Variants in SH3PXD2B observed in about 807,000 individuals in gnomAD.
The protein encoded by SH3PXD2B is SH3 and PX domains 2B.
A neutral mutation model predicts 73.1 loss-of-function variants in SH3PXD2B; 37 were observed. That is an observed-to-expected ratio of 0.51 (90% confidence interval 0.39 to 0.67). The LOEUF (loss-of-function observed/expected upper bound fraction) is 0.67. Among genes scored for constraint, SH3PXD2B ranks in the 30% least tolerant of loss-of-function variants. The probability of loss-of-function intolerance (pLI) is 0.00; values close to 1 mark genes in which losing one functional copy is unlikely to be tolerated. For synonymous variants in SH3PXD2B, 457 were observed against 480.5 expected, an observed-to-expected ratio of 0.95 and a Z score of 0.64; for missense variants, 1,053 against 1,197.8, an observed-to-expected ratio of 0.88 and a Z score of 1.78.
At chr5:172,415,937 G>A (rs755083634) in intron 2 of SH3PXD2B, among the ~76,000 whole-genome samples, 1 of 152,198 alleles carries the variant, frequency 6.6e-6, no homozygotes, top group Non-Finnish European at 1.5e-5. Flanking sequence ...TGAATGAGAC[G>A]TGTGGTCAGA....
chr5:172,401,299 A>AAG (rs1410192191), intron 3 of SH3PXD2B, among the ~76,000 whole-genome samples: 1 of 152,224 alleles, frequency 6.6e-6, no homozygotes, highest in African/African-American at 2.4e-5. Flanking sequence ...CTAGGTAGGG[A>AAG]AGATAATTTA....
intron 6 of SH3PXD2B, among the ~76,000 whole-genome samples, chr5:172,368,665 T>TATATATATAAAATATATATATA (rs1757621072): frequency 2.6e-5 from 1 of 38,268 alleles, no homozygotes; most frequent in South Asian, 1.1e-3. Flanking sequence ...ATATATATTA[T>TATATATATAAAATATATATATA]ATATATATAA....
chr5:172,345,891 T>C (rs1363219500), intron 12 of SH3PXD2B, among the ~76,000 whole-genome samples: 2 of 152,174 alleles, frequency 1.3e-5, no homozygotes, highest in Non-Finnish European at 2.9e-5. Context: ...TGGCTGTTGA[T>C]GGGTAAGGAG....
chr5:172,343,804 C>CA (rs1756914133), intron 12 of SH3PXD2B, among the ~76,000 whole-genome samples: 1 of 146,458 alleles, frequency 6.8e-6, no homozygotes, highest in Non-Finnish European at 1.5e-5. Context: ...GATTCCGTCT[C>CA]AAAGAAAAAA....
chr5:172,368,115 G>A (rs1757567821), intron 6 of SH3PXD2B, among the ~76,000 whole-genome samples: 1 of 152,002 alleles, frequency 6.6e-6, no homozygotes, highest in Non-Finnish European at 1.5e-5. Flanking sequence ...TCTACTGCAG[G>A]GAATTTTGCA....
rs140085322 is a variant in SH3PXD2B at position 172,439,677 on chromosome 5, T to TGC, written c.75+14599_75+14600dup. Among the ~76,000 whole-genome samples the TGC allele has an allele frequency of 2.9e-3, 359 of 121,712 alleles. 1 individual carries two copies. The highest frequency in any genetic ancestry group is 5.3e-3 in the Non-Finnish European group (288 of 54,452). The allele number at this position is 121,712 out of a possible 152,430, so 79.8% of individuals were successfully genotyped here. On this transcript the variant is annotated intron_variant, in intron 1 of 12. Transcript: ENST00000311601. The stretch of plus-strand genomic sequence containing the variant: ...AAAACCAGGTATGTGTGTGCGTGCG[T>TGC]GCGCGCACGCGCGCGCACACACACA...
At position 172,335,162 on chromosome 5, in the gene SH3PXD2B, G is replaced by A. The variant is rs1756657609; in HGVS notation, c.*3207C>T. On this transcript the variant is annotated 3_prime_UTR_variant, in exon 13 of 13. Coordinates refer to ENST00000311601, the MANE Select transcript of SH3PXD2B (RefSeq NM_001017995.3). Reference sequence around the variant, plus strand: ...CTCAGGGTTTTCCAAATTTTTGGAGGTACCGCAAGCTGTCCGTTTGCCCTG... The same window carrying A: ...CTCAGGGTTTTCCAAATTTTTGGAGATACCGCAAGCTGTCCGTTTGCCCTG... 1.0e-6 allele frequency: 1 copy of A among 990,646 alleles called. No homozygotes were observed. The highest frequency in any genetic ancestry group is 4.7e-5 in the South Asian group (1 of 21,320). The allele number at this position is 990,646 out of a possible 1,614,324, so 61.4% of individuals were successfully genotyped here. A position where few individuals can be genotyped will look rare whatever the true frequency, so the allele number is the denominator to read the frequency against.
At chr5:172,380,055 G>GT (rs1421547542) in intron 5 of SH3PXD2B, among the ~76,000 whole-genome samples, 3 of 151,952 alleles carry the variant, frequency 2.0e-5, no homozygotes, top group South Asian at 4.2e-4. Flanking sequence ...GGAATGACAG[G>GT]TTTTTTTGTT....
At chr5:172,406,202 T>G in intron 3 of SH3PXD2B, 75 bp downstream of exon 3, 1 of 1,498,192 alleles carries the variant, frequency 6.7e-7, no homozygotes, top group Non-Finnish European at 9.3e-7. Flanking sequence ...GACAAGCTGA[T>G]AAACTGTCCC....
At chr5:172,396,365 G>C (rs1253614660) in intron 3 of SH3PXD2B, among the ~76,000 whole-genome samples, 1 of 150,744 alleles carries the variant, frequency 6.6e-6, no homozygotes, top group Non-Finnish European at 1.5e-5. Context: ...CAGAATAAGT[G>C]AGACTCCGTC....
chr5:172,362,636 G>C, intron 7 of SH3PXD2B, 99 bp downstream of exon 7: 2 of 1,574,834 alleles, frequency 1.3e-6, no homozygotes. Context: ...GAACTGGCCA[G>C]TCTGGACTGG....
At chr5:172,341,020 G>A (rs1446165057) in intron 12 of SH3PXD2B, among the ~76,000 whole-genome samples, 1 of 152,190 alleles carries the variant, frequency 6.6e-6, no homozygotes, top group Non-Finnish European at 1.5e-5. Context: ...TTCCCTGTGG[G>A]ATACACGCCT....
Position 172,338,082 on chromosome 5 carries a change from A to G in SH3PXD2B, c.*287T>C. The G allele has an allele frequency of 7.5e-7, 1 of 1,335,936 alleles. No individual in the cohort carries two copies. Among genetic ancestry groups the G allele is most frequent in the Non-Finnish European group, 9.6e-7 (1 of 1,038,740 alleles). The allele number at this position is 1,335,936 out of a possible 1,614,324, so 82.8% of individuals were successfully genotyped here. A position where few individuals can be genotyped will look rare whatever the true frequency, so the allele number is the denominator to read the frequency against. The stretch of plus-strand genomic sequence containing the variant: ...GTCTTGGTCCCACTGCTGGGTGGCA[A>G]TGCCATTGGCCAGGAGGAGTTCTCT... On this transcript the variant is annotated 3_prime_UTR_variant, in exon 13 of 13. Transcript: ENST00000311601. The surrounding 1 kb of genome is among the most constrained non-coding windows in gnomAD (Gnocchi z 5.1).
chr5:172,377,993 C>G (rs1241076704), intron 5 of SH3PXD2B, among the ~76,000 whole-genome samples: 2 of 152,166 alleles, frequency 1.3e-5, no homozygotes, highest in Non-Finnish European at 2.9e-5. Context: ...AGCTCCTGTC[C>G]TGCGCTATTT....
Position 172,335,703 on chromosome 5 carries a change from C to A in SH3PXD2B, c.*2666G>T, listed in dbSNP as rs150647285. 1.4e-4 allele frequency: 178 copies of A among 1,231,700 alleles called. 2 individuals are homozygous for A. In the East Asian group the frequency reaches 4.0e-3, roughly 28 times the overall value. 76.3% of individuals were successfully genotyped at this position (1,231,700 alleles called of 1,614,324 possible). A position where few individuals can be genotyped will look rare whatever the true frequency, so the allele number is the denominator to read the frequency against. On this transcript the variant is annotated 3_prime_UTR_variant, in exon 13 of 13. Coordinates refer to ENST00000311601, the MANE Select transcript of SH3PXD2B (RefSeq NM_001017995.3). ...GCGCCATCAATCGCTCACAGAATAG[C>A]GACCACAGTCCTGGATGGGGTAAAT...
intron 1 of SH3PXD2B, among the ~76,000 whole-genome samples, chr5:172,439,691 C>CGT (rs1175512534): frequency 1.8e-3 from 219 of 119,350 alleles, no homozygotes; most frequent in African/African-American, 7.7e-3. Context: ...CGCACGCGCG[C>CGT]GCACACACAC....
chr5:172,335,469 C>A lies in SH3PXD2B; in HGVS notation c.*2900G>T. ...CAAACCCAAACTCGAGATCTCAGTCCCAGCTTGGCCACTATTTGGACCTTC... is the reference window on the plus strand; with the variant it reads ...CAAACCCAAACTCGAGATCTCAGTCACAGCTTGGCCACTATTTGGACCTTC... On this transcript the variant is annotated 3_prime_UTR_variant, in exon 13 of 13. Transcript: ENST00000311601. 3.2e-6 allele frequency: 4 copies of A among 1,230,896 alleles called. No homozygotes were observed. Among genetic ancestry groups the A allele is most frequent in the Non-Finnish European group, 4.0e-6 (4 of 987,746 alleles). 76.2% of individuals were successfully genotyped at this position (1,230,896 alleles called of 1,614,324 possible).
intron 1 of SH3PXD2B, among the ~76,000 whole-genome samples, chr5:172,431,383 G>A (rs895921161): frequency 6.6e-6 from 1 of 152,252 alleles, no homozygotes; most frequent in African/African-American, 2.4e-5. Flanking sequence ...GTGGGGAGAA[G>A]AGCGACGGGG....
At chr5:172,387,032 T>C (rs1269372395) in intron 4 of SH3PXD2B, among the ~76,000 whole-genome samples, 2 of 152,224 alleles carry the variant, frequency 1.3e-5, no homozygotes, top group African/African-American at 2.4e-5. Context: ...TCTCATAATC[T>C]GAAGAAGTTC....
Sources: allele counts gnomAD v4.1 joint callset (sites outside exome capture counted in the v4.1 genomes callset), GRCh38; gene constraint gnomAD v4.1.1; non-coding constraint Gnocchi (gnomAD v3.1); transcripts MANE v1.5; gene names NCBI Gene and HGNC (gene_info 2026-07-23, HGNC 2026-07-21).